Variants in CCDC88A observed in about 807,000 individuals in gnomAD.
The protein encoded by CCDC88A is coiled-coil and HOOK domain protein 88A.
CCDC88A carries 54 observed loss-of-function variants against 234.3 expected under a neutral mutation model. That is an observed-to-expected ratio of 0.23 (90% confidence interval 0.19 to 0.29). CCDC88A has a LOEUF of 0.29. Among genes scored for constraint, CCDC88A ranks in the 10% least tolerant of loss-of-function variants. CCDC88A has a pLI of 1.00. For synonymous variants in CCDC88A, 753 were observed against 737.8 expected, an observed-to-expected ratio of 1.02 and a Z score of -0.33; for missense variants, 1,832 against 2,123.4, an observed-to-expected ratio of 0.86 and a Z score of 2.70.
At chr2:55,369,690 C>G (rs1672547178) in intron 5 of CCDC88A, among the ~76,000 whole-genome samples, 2 of 152,100 alleles carry the variant, frequency 1.3e-5, no homozygotes, top group Admixed American at 1.3e-4. Flanking sequence ...CGCCTCACCT[C>G]AAATGATCCA....
At chr2:55,320,146 T>G (rs940834272) in intron 18 of CCDC88A, among the ~76,000 whole-genome samples, 5 of 152,082 alleles carry the variant, frequency 3.3e-5, no homozygotes, top group Admixed American at 6.5e-5. Flanking sequence ...AAATGTGTAC[T>G]AGAAAAAATA....
intron 2 of CCDC88A, among the ~76,000 whole-genome samples, chr2:55,406,782 C>T (rs1190377497): frequency 6.6e-6 from 1 of 151,554 alleles, no homozygotes; most frequent in Non-Finnish European, 1.5e-5. Flanking sequence ...AAATCAAAGA[C>T]TAGTATCCAA....
chr2:55,414,748 C>A (rs569028789), intron 2 of CCDC88A, among the ~76,000 whole-genome samples: 1 of 152,196 alleles, frequency 6.6e-6, no homozygotes, highest in East Asian at 1.9e-4. Context: ...TCTTAATAAA[C>A]ATTTTAGATG....
chr2:55,322,609 G>C lies in CCDC88A; in HGVS notation c.3081C>G (p.Asp1027Glu). 1 of 1,601,752 alleles carries C rather than the reference G, an allele frequency of 6.2e-7. No homozygotes were observed. The highest frequency in any genetic ancestry group is 8.5e-7 in the Non-Finnish European group (1 of 1,170,894). ...CTTGACTTTCTCGCTCCCATTTGTT[G>C]TCTTCACCAGATATTGGAGGAGAGC... ...VQSSPPISGE[D>E]NKWERESQET... Residue 1027 changes from aspartate (D) to glutamate (E), a missense_variant, in exon 18 of 33, where the codon GAC (aspartate) becomes GAG (glutamate). By Grantham distance (45) the Asp-to-Glu change is conservative (BLOSUM62 2). Transcript: ENST00000436346.
intron 3 of CCDC88A, among the ~76,000 whole-genome samples, chr2:55,386,455 G>GATTGT (rs1553429451): frequency 7.8e-5 from 3 of 38,394 alleles, no homozygotes; most frequent in East Asian, 1.5e-3. Context: ...ATTTTTTGTA[G>GATTGT]ATTGTATTTT....
intron 4 of CCDC88A, among the ~76,000 whole-genome samples, chr2:55,374,171 C>T (rs7561473): frequency 0.3 from 46,146 of 151,930 alleles, 7,428 homozygotes; most frequent in East Asian, 0.55. Flanking sequence ...GTCAGGAGTT[C>T]GAGACTGGCC....
intron 8 of CCDC88A, 57 bp from the exon 9 acceptor site, chr2:55,349,656 T>G (rs1251338650): frequency 2.9e-5 from 33 of 1,142,578 alleles, no homozygotes; most frequent in Non-Finnish European, 4.2e-5. Flanking sequence ...GTGATCATCA[T>G]CTGCGTTAAT....
At chr2:55,415,284 G>C (rs2105002401) in intron 2 of CCDC88A, among the ~76,000 whole-genome samples, 1 of 152,084 alleles carries the variant, frequency 6.6e-6, no homozygotes, top group African/African-American at 2.4e-5. Context: ...ATTCCAGCCT[G>C]AGCAACATAG....
chr2:55,415,196 T>A (rs774660603), intron 2 of CCDC88A, among the ~76,000 whole-genome samples: 1 of 151,996 alleles, frequency 6.6e-6, no homozygotes, highest in Non-Finnish European at 1.5e-5. Context: ...GTGCCTGTAG[T>A]CCCAACTACT....
Position 55,363,950 on chromosome 2 carries a change from C to A in CCDC88A, c.486G>T (p.Glu162Asp). 6.4e-7 allele frequency: 1 copy of A among 1,559,222 alleles called. No individual in the cohort carries two copies. Among genetic ancestry groups the A allele is most frequent in the Non-Finnish European group, 8.8e-7 (1 of 1,135,412 alleles). ...CGTAAAATTGTATATATGTCATTACCTCTTGAATATGTGCGGCAACCGCTG... is the reference window on the plus strand; with the variant it reads ...CGTAAAATTGTATATATGTCATTACATCTTGAATATGTGCGGCAACCGCTG... The part of the protein sequence containing the change: ...TKAAVAAHIQ[E>D]VTHNQENVFD... Residue 162 changes from glutamate (E) to aspartate (D), a missense_variant and splice_region_variant, in exon 6 of 33, where the codon GAG becomes GAT. Glu to Asp is a conservative substitution (Grantham distance 45, BLOSUM62 2). This residue lies in a region of CCDC88A where 1,282 missense variants were observed against 1,543.6 expected (regional missense o/e 0.83). Coordinates refer to ENST00000436346, the MANE Select transcript of CCDC88A (RefSeq NM_001365480.1).
chr2:55,377,984 C>A (rs778447964), intron 3 of CCDC88A, among the ~76,000 whole-genome samples: 18 of 152,142 alleles, frequency 1.2e-4, no homozygotes, highest in Non-Finnish European at 2.2e-4. Flanking sequence ...AACTCATTTA[C>A]GTCACTTATT....
chr2:55,415,449 C>G (rs190577851), intron 2 of CCDC88A, among the ~76,000 whole-genome samples: 12 of 152,278 alleles, frequency 7.9e-5, no homozygotes, highest in Admixed American at 7.8e-4. Context: ...CAACAAAAGA[C>G]AGTGATCCCC....
Position 55,418,923 on chromosome 2 carries a change from C to T in CCDC88A, c.64-7G>A, listed in dbSNP as rs761457403. ...GAGGTCCAAACGTTTTAACCTAGAA[C>T]AAACAGAAGGATCACCACGACATGA... On this transcript the variant is annotated splice_region_variant and splice_polypyrimidine_tract_variant and intron_variant, in intron 1 of 32. Transcript: ENST00000436346. 6.2e-7 allele frequency: 1 copy of T among 1,612,444 alleles called. No individual in the cohort carries two copies. The highest frequency in any genetic ancestry group is 1.1e-5 in the South Asian group (1 of 91,044).
intron 27 of CCDC88A, chr2:55,301,565 T>C (rs899590787): frequency 5.9e-6 from 3 of 512,670 alleles, no homozygotes; most frequent in South Asian, 2.7e-5. Context: ...CTGTTGGAAG[T>C]TGTAGTGCTT....
At chr2:55,341,140 C>A in intron 12 of CCDC88A, among the ~76,000 whole-genome samples, 2 of 81,354 alleles carry the variant, frequency 2.5e-5, no homozygotes, top group South Asian at 3.3e-4. Flanking sequence ...GAATTTCTTT[C>A]TTTTTTTTTT....
In CCDC88A at chr2:55,289,941, G is replaced by A. The variant is rs1323452188; in HGVS notation, c.*1259C>T. ...AAGTACACTGTTAAAATTTTAAAAAGTCAGTATGTTTCTCATTTCAGACCT... is the reference window on the plus strand; with the variant it reads ...AAGTACACTGTTAAAATTTTAAAAAATCAGTATGTTTCTCATTTCAGACCT... On this transcript the variant is annotated 3_prime_UTR_variant, in exon 33 of 33. Coordinates refer to ENST00000436346, the MANE Select transcript of CCDC88A (RefSeq NM_001365480.1). The A allele has an allele frequency of 6.6e-6, 1 of 152,448 alleles. No homozygotes were observed. Among genetic ancestry groups the A allele is most frequent in the East Asian group, 1.9e-4 (1 of 5,196 alleles). 9.4% of individuals were successfully genotyped at this position (152,448 alleles called of 1,614,324 possible).
chr2:55,305,688 A>C (rs1292559137), intron 25 of CCDC88A, among the ~76,000 whole-genome samples: 2 of 152,116 alleles, frequency 1.3e-5, no homozygotes, highest in Non-Finnish European at 2.9e-5. Flanking sequence ...TCTCTAAAAA[A>C]CAATTAAATA....
At chr2:55,297,702 C>T (rs2104559112) in intron 29 of CCDC88A, among the ~76,000 whole-genome samples, 1 of 151,794 alleles carries the variant, frequency 6.6e-6, no homozygotes, top group African/African-American at 2.4e-5. Flanking sequence ...TGAGCCACCG[C>T]ACCTGGCTCA....
chr2:55,416,474 A>G (rs1384537370), intron 2 of CCDC88A, among the ~76,000 whole-genome samples: 1 of 119,012 alleles, frequency 8.4e-6, no homozygotes, highest in African/African-American at 3.0e-5. Context: ...ATATATATAT[A>G]TATATATATA....
Sources: allele counts gnomAD v4.1 joint callset (sites outside exome capture counted in the v4.1 genomes callset), GRCh38; gene constraint gnomAD v4.1.1; regional missense constraint gnomAD v4.1.1; transcripts MANE v1.5; gene names NCBI Gene and HGNC (gene_info 2026-07-23, HGNC 2026-07-21).